IFNAR2: variants seen among roughly 807,000 people sequenced by gnomAD.
IFNAR2 encodes the protein interferon alpha/beta receptor 2.
IFNAR2 carries 30 observed loss-of-function variants against 49.4 expected under a neutral mutation model. That is an observed-to-expected ratio of 0.61 (90% CI 0.45 to 0.82). The LOEUF (loss-of-function observed/expected upper bound fraction) is 0.82, where lower values mean the gene tolerates loss of function less well. Among genes scored for constraint, IFNAR2 ranks in the 40% least tolerant of loss-of-function variants. IFNAR2 has a pLI of 0.00. For synonymous variants in IFNAR2, 224 were observed against 234.5 expected (o/e 0.96, Z 0.41); for missense variants, 600 against 622.7 (o/e 0.96, Z 0.39).
rs1304923191 is a variant in IFNAR2 at position 33,265,363 on chromosome 21, T to G, written c.*1863T>G. The stretch of plus-strand genomic sequence containing the variant: ...TTCAAAGGGGGAAAACTAAAAATTA[T>G]ACAAGTTATAGTTCAAGGACTTTAA... On this transcript the variant is annotated 3_prime_UTR_variant, in exon 9 of 9. Coordinates refer to ENST00000342136, the MANE Select transcript of IFNAR2 (RefSeq NM_001289125.3). The G allele has an allele frequency of 6.6e-6, 1 of 152,362 alleles. No individual in the cohort carries two copies. Among genetic ancestry groups the G allele is most frequent in the Non-Finnish European group, 1.5e-5 (1 of 68,136 alleles). The allele number at this position is 152,362 out of a possible 1,614,324, so 9.4% of individuals were successfully genotyped here. A position where few individuals can be genotyped will look rare whatever the true frequency, so the allele number is the denominator to read the frequency against.
chr21:33,244,914 T>G, intron 3 of IFNAR2, 37 bp from the exon 4 acceptor site: 2 of 1,609,864 alleles, frequency 1.2e-6, no homozygotes, highest in Non-Finnish European at 1.7e-6. Flanking sequence ...CAACTGTGGG[T>G]TCCAAATTTC....
chr21:33,246,904 C>CT lies in IFNAR2; in HGVS notation c.394+15dup, dbSNP rs1568885636. 6.2e-7 allele frequency: 1 copy of CT among 1,603,378 alleles called. No individual in the cohort carries two copies. ...TGGCCATAGACAGTGAGTTTTATCT[C>CT]TGTTTCTCCACTTCGTCCCCATCAT... On this transcript the variant is annotated intron_variant, in intron 5 of 8. Coordinates refer to ENST00000342136, the MANE Select transcript of IFNAR2 (RefSeq NM_001289125.3).
chr21:33,262,823 C>G lies in IFNAR2; in HGVS notation c.871C>G (p.Pro291Ala), dbSNP rs1243619908. The G allele has an allele frequency of 1.9e-6, 3 of 1,603,206 alleles. No homozygotes were observed. The Admixed American group carries it at 5.2e-5, about 28-fold the overall frequency. The change falls in exon 9 of 9, where the codon CCT (proline) becomes GCT (alanine). Residue 291 changes from proline (P) to alanine (A), a missense_variant. Coordinates refer to ENST00000342136, the MANE Select transcript of IFNAR2 (RefSeq NM_001289125.3). ...TCATAACTTTTTAGCCTGGCCATTTCCTAACCTGCCACCGTTGGAAGCCAT... is the reference window on the plus strand; with the variant it reads ...TCATAACTTTTTAGCCTGGCCATTTGCTAACCTGCCACCGTTGGAAGCCAT... Reference protein sequence around the residue: ...NFHNFLAWPFPNLPPLEAMDM... With the variant: ...NFHNFLAWPFANLPPLEAMDM...
chr21:33,242,436 A>G (rs1485017998), intron 2 of IFNAR2, among the ~76,000 whole-genome samples: 1 of 152,158 alleles, frequency 6.6e-6, no homozygotes, highest in Non-Finnish European at 1.5e-5. Context: ...CTTTGATGTT[A>G]AAGATCTCGT....
In IFNAR2 at chr21:33,230,537, G is replaced by A. The variant is rs774796266; in HGVS notation, c.-84+321G>A. On this transcript the variant is annotated intron_variant, in intron 1 of 8. Coordinates refer to ENST00000342136, the MANE Select transcript of IFNAR2 (RefSeq NM_001289125.3). This position sits in a 1 kb window ranked among gnomAD's most constrained non-coding sequence, Gnocchi z 5.5. ...CCCCACCAAGGATGCCCAGGATACC[G>A]GGCATTTGCCACTGCAAGATGTGAG... 2 of 470,818 alleles carry A rather than the reference G, an allele frequency of 4.2e-6. No homozygotes were observed. The highest frequency in any genetic ancestry group is 3.1e-5 in the South Asian group (2 of 64,548). The allele number at this position is 470,818 out of a possible 1,614,324, so 29.2% of individuals were successfully genotyped here. A position where few individuals can be genotyped will look rare whatever the true frequency, so the allele number is the denominator to read the frequency against.
Position 33,230,629 on chromosome 21 carries a change from T to C in IFNAR2, c.-84+413T>C, listed in dbSNP as rs12482556. The C allele has an allele frequency of 0.36, 168,940 of 468,774 alleles. 32,422 individuals are homozygous for C. Among genetic ancestry groups the C allele is most frequent in the East Asian group, 0.58 (8,223 of 14,186 alleles). The allele number at this position is 468,774 out of a possible 1,614,324, so 29.0% of individuals were successfully genotyped here. On this transcript the variant is annotated intron_variant, in intron 1 of 8. Coordinates refer to ENST00000342136, the MANE Select transcript of IFNAR2 (RefSeq NM_001289125.3). The surrounding 1 kb of genome is among the most constrained non-coding windows in gnomAD (Gnocchi z 5.5). The stretch of plus-strand genomic sequence containing the variant: ...CGCCTTGCAAAACCGGCTCACCAGC[T>C]GGGTGCTCAGGTTCGGGATCTCCAG...
At chr21:33,237,372 A>C (rs1196397971) in intron 1 of IFNAR2, among the ~76,000 whole-genome samples, 1 of 151,942 alleles carries the variant, frequency 6.6e-6, no homozygotes, top group Non-Finnish European at 1.5e-5. Context: ...TCTCTAAAAA[A>C]AAAAATACAA....
rs535161691 is a variant in IFNAR2 at position 33,263,635 on chromosome 21, C to T, written c.*135C>T. ...AGGAAACTGTGGTGTTCCTTTCTTC[C>T]AGGTGACATCACCTATGCACATTCC... On this transcript the variant is annotated 3_prime_UTR_variant, in exon 9 of 9. Transcript: ENST00000342136. The T allele has an allele frequency of 1.3e-5, 10 of 747,510 alleles. No homozygotes were observed. Among genetic ancestry groups the T allele is most frequent in the Non-Finnish European group, 1.9e-5 (9 of 470,446 alleles). The allele number at this position is 747,510 out of a possible 1,614,324, so 46.3% of individuals were successfully genotyped here.
At chr21:33,252,081 C>CTATCTATCTATCT in intron 6 of IFNAR2, 2 of 380,656 alleles carry the variant, frequency 5.3e-6, no homozygotes, top group South Asian at 3.8e-5. Context: ...AGACCCCATC[C>CTATCTATCTATCT]ATCTATCTAT....
chr21:33,262,263 G>T (rs549716428), intron 8 of IFNAR2, among the ~76,000 whole-genome samples: 18 of 151,532 alleles, frequency 1.2e-4, no homozygotes, highest in African/African-American at 3.6e-4. Flanking sequence ...TACTCAGGAG[G>T]CTGAGGCAGA....
chr21:33,236,822 G>A, intron 1 of IFNAR2: 1 of 984,146 alleles, frequency 1.0e-6, no homozygotes, highest in African/African-American at 1.7e-5. Flanking sequence ...CCAAGTGTAG[G>A]ATCCTTCTAG....
intron 1 of IFNAR2, among the ~76,000 whole-genome samples, chr21:33,231,433 C>T (rs1986056440): frequency 6.6e-6 from 1 of 152,042 alleles, no homozygotes; most frequent in Non-Finnish European, 1.5e-5. Flanking sequence ...CCTATTATTT[C>T]CTCTAAAGTT....
In IFNAR2 at chr21:33,262,863, T is replaced by A; in HGVS notation, c.911T>A (p.Val304Asp). 6.2e-7 allele frequency: 1 copy of A among 1,613,106 alleles called. No individual in the cohort carries two copies. The highest frequency in any genetic ancestry group is 8.5e-7 in the Non-Finnish European group (1 of 1,179,840). ...TTGGAAGCCATGGATATGGTGGAGG[T>A]CATTTACATCAACAGAAAGAAGAAA... Reference protein sequence around the residue: ...PPLEAMDMVEVIYINRKKKVW... With the variant: ...PPLEAMDMVEDIYINRKKKVW... The change falls in exon 9 of 9, where the codon GTC becomes GAC. Residue 304 changes from valine to aspartate, a missense_variant. By Grantham distance (152) the Val-to-Asp change is radical. Coordinates refer to ENST00000342136, the MANE Select transcript of IFNAR2 (RefSeq NM_001289125.3).
chr21:33,243,819 T>G, intron 3 of IFNAR2, 105 bp downstream of exon 3: 3 of 854,774 alleles, frequency 3.5e-6, no homozygotes, highest in Non-Finnish European at 6.1e-6. Flanking sequence ...TGATTGTACA[T>G]CTGTTGCCTG....
intron 1 of IFNAR2, among the ~76,000 whole-genome samples, chr21:33,238,159 C>T (rs954259116): frequency 6.6e-6 from 1 of 152,196 alleles, no homozygotes; most frequent in Non-Finnish European, 1.5e-5. Context: ...CGTTGTCAGT[C>T]CTCCACATAG....
In IFNAR2 at chr21:33,263,721, G is replaced by T; in HGVS notation, c.*221G>T. The T allele has an allele frequency of 1.8e-6, 1 of 558,472 alleles. No individual in the cohort carries two copies. The highest frequency in any genetic ancestry group is 3.2e-6 in the Non-Finnish European group (1 of 314,092). The allele number at this position is 558,472 out of a possible 1,614,324, so 34.6% of individuals were successfully genotyped here. Reference sequence around the variant, plus strand: ...TTACATATTCAAAGTGGTGCACTTTGAAGGAAGCACATGTGCACCTTTCCT... The same window carrying T: ...TTACATATTCAAAGTGGTGCACTTTTAAGGAAGCACATGTGCACCTTTCCT... On this transcript the variant is annotated 3_prime_UTR_variant, in exon 9 of 9. Coordinates refer to ENST00000342136, the MANE Select transcript of IFNAR2 (RefSeq NM_001289125.3).
chr21:33,234,559 A>G (rs535979765), intron 1 of IFNAR2, among the ~76,000 whole-genome samples: 1 of 149,564 alleles, frequency 6.7e-6, no homozygotes, highest in East Asian at 1.9e-4. Context: ...CCAGGAGACT[A>G]TGAGGCAGCG....
chr21:33,237,078 G>GGTGTGT lies in IFNAR2; in HGVS notation c.-83-4735_-83-4730dup, dbSNP rs34322078. Among the ~76,000 whole-genome samples, 1,193 of 147,684 alleles carry GGTGTGT rather than the reference G, an allele frequency of 8.1e-3. 8 individuals carry two copies. The highest frequency in any genetic ancestry group is 0.017 in the African/African-American group (690 of 39,998). On this transcript the variant is annotated intron_variant, in intron 1 of 8. Transcript: ENST00000342136. ...CCCCTGGCCCAGAGGGGGAGAATGG[G>GGTGTGT]GTGTGTGTGTGTGTGTGTGTGTGTG...
intron 1 of IFNAR2, among the ~76,000 whole-genome samples, chr21:33,235,985 G>T (rs1286018366): frequency 5.9e-5 from 9 of 152,104 alleles, no homozygotes; most frequent in Non-Finnish European, 1.2e-4. Context: ...CATGAATATT[G>T]CAGTTCTTTA....
Sources: allele counts gnomAD v4.1 joint callset (sites outside exome capture counted in the v4.1 genomes callset), GRCh38; gene constraint gnomAD v4.1.1; non-coding constraint Gnocchi (gnomAD v3.1); transcripts MANE v1.5; gene names NCBI Gene and HGNC (gene_info 2026-07-23, HGNC 2026-07-21).